CCSER1: variants seen among roughly 807,000 people sequenced by gnomAD.
CCSER1 encodes coiled-coil serine rich protein 1, also known as serine-rich coiled-coil domain-containing protein 1.
CCSER1 carries 41 observed loss-of-function variants against 82.0 expected under a neutral mutation model. The observed-to-expected ratio is 0.50, with a 90% confidence interval of 0.39 to 0.65. The LOEUF is 0.65. Ranked by LOEUF, CCSER1 falls within the 30% of genes least tolerant of loss-of-function variation. CCSER1 has a pLI of 0.00. For synonymous variants in CCSER1, 414 were observed against 383.9 expected (o/e 1.08, Z -0.92); for missense variants, 1,119 against 1,064.2 (o/e 1.05, Z -0.72).
intron 7 of CCSER1, among the ~76,000 whole-genome samples, chr4:90,813,616 G>T (rs1421468231): frequency 6.6e-6 from 1 of 152,150 alleles, no homozygotes; most frequent in African/African-American, 2.4e-5. Flanking sequence ...GGGTTCATCA[G>T]GGGTTTCCAC....
intron 10 of CCSER1, among the ~76,000 whole-genome samples, chr4:91,542,673 G>T (rs1483546519): frequency 2.6e-5 from 4 of 152,276 alleles, no homozygotes; most frequent in Admixed American, 6.5e-5. Context: ...GAGACAGTTT[G>T]TTATAATTTC....
chr4:90,465,013 G>T (rs1248129787), intron 4 of CCSER1, among the ~76,000 whole-genome samples: 4 of 152,208 alleles, frequency 2.6e-5, no homozygotes, highest in African/African-American at 2.4e-5. Context: ...GGCCAGGCTA[G>T]AGTGCAGTGG....
intron 1 of CCSER1, among the ~76,000 whole-genome samples, chr4:90,141,284 A>T: frequency 6.6e-6 from 1 of 152,174 alleles, no homozygotes; most frequent in East Asian, 1.9e-4. Context: ...CTTTACTTAA[A>T]TGATTGTACA....
Position 90,832,013 on chromosome 4 carries a change from G to T in CCSER1, c.2094+16168G>T, listed in dbSNP as rs1324457965. ...GTGTAATTACGTTCTTAAAATAAAT[G>T]TTCAAAACTCTGATTAGTGGAGTAA... is the stretch of plus-strand genomic sequence containing the variant. On this transcript the variant is annotated intron_variant, in intron 8 of 10. Coordinates refer to ENST00000509176, the MANE Select transcript of CCSER1 (RefSeq NM_001145065.2). 7.9e-5 allele frequency among the ~76,000 whole-genome samples: 12 copies of T among 151,892 alleles called. No individual in the cohort carries two copies. In the South Asian group the frequency reaches 1.7e-3, roughly 21 times the overall value.
intron 1 of CCSER1, among the ~76,000 whole-genome samples, chr4:90,168,968 T>A (rs1399590056): frequency 6.6e-6 from 1 of 151,984 alleles, no homozygotes; most frequent in African/African-American, 2.4e-5. Context: ...GGCTCTTTTT[T>A]GGTTCCATAT....
intron 1 of CCSER1, among the ~76,000 whole-genome samples, chr4:90,191,181 C>T (rs369907005): frequency 5.3e-5 from 8 of 152,080 alleles, no homozygotes; most frequent in South Asian, 2.1e-4. Flanking sequence ...CTTCCCAACA[C>T]AGGACTCCCC....
chr4:90,498,851 A>C (rs993945633), intron 5 of CCSER1, among the ~76,000 whole-genome samples: 1 of 152,148 alleles, frequency 6.6e-6, no homozygotes, highest in Non-Finnish European at 1.5e-5. Flanking sequence ...TACAGGTATT[A>C]TAGAGAAGTG....
At chr4:91,060,166 G>T (rs1471175507) in intron 9 of CCSER1, among the ~76,000 whole-genome samples, 1 of 151,828 alleles carries the variant, frequency 6.6e-6, no homozygotes, top group Admixed American at 6.6e-5. Context: ...ATGAACTATT[G>T]AAATGTTAAT....
chr4:90,669,387 C>A (rs1178043337), intron 6 of CCSER1, among the ~76,000 whole-genome samples: 1 of 151,866 alleles, frequency 6.6e-6, no homozygotes, highest in African/African-American at 2.4e-5. Context: ...AATTTTAAAA[C>A]CTGTTTATAG....
intron 4 of CCSER1, among the ~76,000 whole-genome samples, chr4:90,462,043 T>A (rs1762991796): frequency 6.6e-6 from 1 of 151,250 alleles, no homozygotes; most frequent in African/African-American, 2.5e-5. Context: ...GTATCTTATC[T>A]GCTTCTTTTT....
At chr4:90,365,298 G>A (rs1179811815) in intron 3 of CCSER1, among the ~76,000 whole-genome samples, 2 of 151,494 alleles carry the variant, frequency 1.3e-5, no homozygotes, top group African/African-American at 4.8e-5. Context: ...CATCCCATTT[G>A]GCTGTCCCAA....
At chr4:90,988,615 G>A (rs1736778932) in intron 9 of CCSER1, among the ~76,000 whole-genome samples, 1 of 151,560 alleles carries the variant, frequency 6.6e-6, no homozygotes, top group Non-Finnish European at 1.5e-5. Flanking sequence ...TGTTATGGGA[G>A]GGGTTCCACT....
At chr4:90,891,650 C>A (rs1236576455) in intron 8 of CCSER1, among the ~76,000 whole-genome samples, 2 of 151,842 alleles carry the variant, frequency 1.3e-5, no homozygotes, top group Non-Finnish European at 2.9e-5. Context: ...TTTCTTCTGG[C>A]AAGTGAAATA....
intron 5 of CCSER1, among the ~76,000 whole-genome samples, chr4:90,476,723 GTGT>G (rs1022782601): frequency 1.3e-5 from 2 of 152,196 alleles, no homozygotes; most frequent in African/African-American, 4.8e-5. Flanking sequence ...TTGATTGACA[GTGT>G]TGTTATTTTA....
At chr4:91,428,973 A>T (rs1203168247) in intron 10 of CCSER1, among the ~76,000 whole-genome samples, 2 of 152,022 alleles carry the variant, frequency 1.3e-5, no homozygotes, top group African/African-American at 4.8e-5. Context: ...CCTTATGCTT[A>T]TCAATTATGA....
intron 7 of CCSER1, among the ~76,000 whole-genome samples, chr4:90,762,168 G>T (rs1477501376): frequency 6.6e-6 from 1 of 152,026 alleles, no homozygotes; most frequent in Non-Finnish European, 1.5e-5. Context: ...TGAATCATAG[G>T]GGTGGTTACC....
chr4:91,427,228 A>C (rs1187435701), intron 10 of CCSER1, among the ~76,000 whole-genome samples: 1 of 152,152 alleles, frequency 6.6e-6, no homozygotes, highest in Non-Finnish European at 1.5e-5. Context: ...TTCAGATGGG[A>C]CACATTGATT....
intron 9 of CCSER1, chr4:90,938,675 G>T: frequency 2.7e-6 from 1 of 367,622 alleles, no homozygotes; most frequent in Non-Finnish European, 5.6e-6. Flanking sequence ...TTCTTTTCAA[G>T]GCCCTGTGGA....
intron 3 of CCSER1, among the ~76,000 whole-genome samples, chr4:90,359,465 C>T (rs4693237): frequency 0.57 from 86,912 of 151,820 alleles, 25,449 homozygotes; most frequent in African/African-American, 0.69. Context: ...CTGGGCAGGG[C>T]GCGGTGCCTC....
Sources: allele counts gnomAD v4.1 joint callset (sites outside exome capture counted in the v4.1 genomes callset), GRCh38; gene constraint gnomAD v4.1.1; transcripts MANE v1.5; gene names NCBI Gene and HGNC (gene_info 2026-07-23, HGNC 2026-07-21).